Variants in DNAI7 observed in about 807,000 individuals in gnomAD.
The protein encoded by DNAI7 is dynein axonemal intermediate chain 7.
In DNAI7, 78 loss-of-function variants were observed where a neutral mutation model predicts 86.6. The observed-to-expected ratio is 0.90, with a 90% CI of 0.75 to 1.09. The LOEUF (loss-of-function observed/expected upper bound fraction) is 1.09, where lower values mean the gene tolerates loss of function less well. DNAI7 is among the 50% of genes least tolerant of loss of function. DNAI7 has a pLI of 0.00. For missense variants in DNAI7, 753 were observed against 810.2 expected, an observed-to-expected ratio of 0.93 and a Z score of 0.86; for synonymous variants, 274 against 273.0, an observed-to-expected ratio of 1.00 and a Z score of -0.04.
At chr12:25,157,463 A>G (rs1045234808) in intron 4 of DNAI7, among the ~76,000 whole-genome samples, 5 of 152,154 alleles carry the variant, frequency 3.3e-5, no homozygotes, top group Non-Finnish European at 5.9e-5. Context: ...ATGAGAATCC[A>G]GCTGTCTTCT....
chr12:25,158,918 G>T (rs944996296), intron 3 of DNAI7, among the ~76,000 whole-genome samples: 1 of 152,124 alleles, frequency 6.6e-6, no homozygotes. Flanking sequence ...TTAGAATGGC[G>T]ATCATTAAAA....
intron 4 of DNAI7, among the ~76,000 whole-genome samples, chr12:25,158,012 A>G (rs1208277350): frequency 6.6e-6 from 1 of 152,028 alleles, no homozygotes; most frequent in Non-Finnish European, 1.5e-5. Context: ...GGCGGATCAC[A>G]AGGTCAGGAG....
chr12:25,191,422 C>T (rs764410386), intron 1 of DNAI7, among the ~76,000 whole-genome samples: 3 of 151,934 alleles, frequency 2.0e-5, no homozygotes, highest in Non-Finnish European at 2.9e-5. Context: ...ATAAAACAGG[C>T]GGCTGGGTGT....
intron 7 of DNAI7, among the ~76,000 whole-genome samples, 154 bp from the exon 8 acceptor site, chr12:25,147,258 G>A (rs1403569576): frequency 6.6e-6 from 1 of 152,146 alleles, no homozygotes; most frequent in African/African-American, 2.4e-5. Context: ...ACATGACAAA[G>A]AATTGTTTAA....
intron 9 of DNAI7, among the ~76,000 whole-genome samples, chr12:25,141,554 G>A (rs1282172214): frequency 3.3e-5 from 5 of 152,194 alleles, no homozygotes; most frequent in East Asian, 1.9e-4. Flanking sequence ...TAATTGGCAC[G>A]GTGCAGTGGC....
intron 2 of DNAI7, among the ~76,000 whole-genome samples, chr12:25,189,423 T>C (rs1950310843): frequency 6.6e-6 from 1 of 152,122 alleles, no homozygotes; most frequent in African/African-American, 2.4e-5. Flanking sequence ...GGCAGATCAC[T>C]TGAGGTCAAG....
At chr12:25,159,083 T>C (rs1946546112) in intron 3 of DNAI7, among the ~76,000 whole-genome samples, 1 of 152,216 alleles carries the variant, frequency 6.6e-6, no homozygotes, top group Non-Finnish European at 1.5e-5. Context: ...ATCCCATTAC[T>C]GGGTATATAC....
In DNAI7 at chr12:25,161,207, G is replaced by C; in HGVS notation, c.22-10C>G. On this transcript the variant is annotated splice_polypyrimidine_tract_variant and intron_variant, in intron 2 of 15. Coordinates refer to ENST00000395987, the MANE Select transcript of DNAI7 (RefSeq NM_018272.5). ...TTTTCTTACTGCCAGACTTAACAAAGGCCACATCATAAAAAAGGCTATTAA... is the reference window on the plus strand; with the variant it reads ...TTTTCTTACTGCCAGACTTAACAAACGCCACATCATAAAAAAGGCTATTAA... 1 of 1,610,760 alleles carries C rather than the reference G, an allele frequency of 6.2e-7. No homozygotes were observed. The highest frequency in any genetic ancestry group is 8.5e-7 in the Non-Finnish European group (1 of 1,177,340).
intron 12 of DNAI7, among the ~76,000 whole-genome samples, chr12:25,115,334 G>A (rs1364073722): frequency 6.6e-6 from 1 of 152,092 alleles, no homozygotes; most frequent in South Asian, 2.1e-4. Flanking sequence ...ACCCAGTTGT[G>A]CAACCATCAC....
intron 15 of DNAI7, among the ~76,000 whole-genome samples, chr12:25,109,393 GT>G (rs202039518): frequency 8.6e-5 from 13 of 150,800 alleles, no homozygotes; most frequent in Non-Finnish European, 1.3e-4. Flanking sequence ...TCCATTTGTT[GT>G]TTTTTTTAAG....
In DNAI7 at chr12:25,144,429, G is replaced by T. The variant is rs890709917; in HGVS notation, c.938C>A (p.Ser313Tyr). Residue 313 changes from serine (S) to tyrosine (Y), a missense_variant, in exon 9 of 16, where the codon TCT (serine) becomes TAT (tyrosine). By Grantham distance (144) the Ser-to-Tyr change is moderately radical. Coordinates refer to ENST00000395987, the MANE Select transcript of DNAI7 (RefSeq NM_018272.5). ...TATTTCTTCCTCCTGAATTAAGTGAGACCCTCTTTCTTGTTGTTTGGACTC... is the reference window on the plus strand; with the variant it reads ...TATTTCTTCCTCCTGAATTAAGTGATACCCTCTTTCTTGTTGTTTGGACTC... ...EEESKQQERG[S>Y]HLIQEEEIKV... 1.9e-6 allele frequency: 3 copies of T among 1,614,072 alleles called. No individual in the cohort carries two copies. Among genetic ancestry groups the T allele is most frequent in the Admixed American group, 1.7e-5 (1 of 60,024 alleles).
At chr12:25,120,619 G>A (rs1265300489) in intron 11 of DNAI7, among the ~76,000 whole-genome samples, 1 of 152,114 alleles carries the variant, frequency 6.6e-6, no homozygotes, top group African/African-American at 2.4e-5. Context: ...CCAGCTACCG[G>A]GAGGCTGAGG....
At chr12:25,154,869 C>A (rs769726454) in intron 5 of DNAI7, among the ~76,000 whole-genome samples, 4 of 152,148 alleles carry the variant, frequency 2.6e-5, no homozygotes, top group Non-Finnish European at 5.9e-5. Flanking sequence ...GTAGTTTATG[C>A]AAATTTCACA....
intron 9 of DNAI7, among the ~76,000 whole-genome samples, chr12:25,125,413 GTCT>G (rs1941992762): frequency 6.6e-6 from 1 of 152,176 alleles, no homozygotes. Context: ...CCACACGTAT[GTCT>G]TCTTTTGAAA....
chr12:25,148,084 T>C (rs1426200871), intron 7 of DNAI7, among the ~76,000 whole-genome samples: 1 of 146,206 alleles, frequency 6.8e-6, no homozygotes, highest in Non-Finnish European at 1.5e-5. Flanking sequence ...TTATTATTAA[T>C]TTTTTTAAGT....
intron 11 of DNAI7, among the ~76,000 whole-genome samples, chr12:25,120,333 A>AGAGAGAGAGAGAGAGAGAGAGAG (rs1291053342): frequency 6.7e-6 from 1 of 148,414 alleles, no homozygotes; most frequent in Non-Finnish European, 1.5e-5. Context: ...AGAGAGAGAG[A>AGAGAGAGAGAGAGAGAGAGAGAG]GAGAGAGAGG....
At chr12:25,174,449 TATATATATC>T (rs1315199834) in intron 2 of DNAI7, among the ~76,000 whole-genome samples, 1 of 96,186 alleles carries the variant, frequency 1.0e-5, no homozygotes, top group Non-Finnish European at 1.9e-5. Flanking sequence ...ATATATGGGA[TATATATATC>T]ATATATATCA....
chr12:25,176,896 A>AT (rs1282188070), intron 2 of DNAI7, among the ~76,000 whole-genome samples: 2 of 116,674 alleles, frequency 1.7e-5, no homozygotes, highest in African/African-American at 7.2e-5. Context: ...CATTTTAACC[A>AT]TTTTCTTTTT....
At chr12:25,172,206 C>G (rs1948216837) in intron 2 of DNAI7, among the ~76,000 whole-genome samples, 1 of 151,624 alleles carries the variant, frequency 6.6e-6, no homozygotes, top group Non-Finnish European at 1.5e-5. Flanking sequence ...ATAGTTTACC[C>G]TGAAAACCCT....
Sources: allele counts gnomAD v4.1 joint callset (sites outside exome capture counted in the v4.1 genomes callset), GRCh38; gene constraint gnomAD v4.1.1; transcripts MANE v1.5; gene names NCBI Gene and HGNC (gene_info 2026-07-23, HGNC 2026-07-21).